Variants in GMPS observed in about 807,000 individuals in gnomAD.
GMPS encodes the protein GMP synthase [glutamine-hydrolyzing].
A neutral mutation model predicts 77.9 loss-of-function variants in GMPS; 15 were observed. That is an observed-to-expected ratio of 0.19 (90% CI 0.13 to 0.30). The LOEUF is 0.30. Ranked by LOEUF, GMPS falls within the 10% of genes least tolerant of loss-of-function variation. GMPS has a pLI of 1.00. For synonymous variants in GMPS, 224 were observed against 275.9 expected, an observed-to-expected ratio of 0.81 and a Z score of 1.86; for missense variants, 590 against 838.8, an observed-to-expected ratio of 0.70 and a Z score of 3.66.
intron 13 of GMPS, among the ~76,000 whole-genome samples, chr3:155,933,172 A>T (rs1016783183): frequency 1.1e-4 from 16 of 152,216 alleles, no homozygotes; most frequent in Non-Finnish European, 2.2e-4. Context: ...AGCCTGGGCG[A>T]CAGAGCGAGA....
intron 12 of GMPS, among the ~76,000 whole-genome samples, chr3:155,928,935 A>C (rs1414543523): frequency 6.6e-6 from 1 of 150,378 alleles, no homozygotes; most frequent in Non-Finnish European, 1.5e-5. Context: ...CCAGTCTGTC[A>C]TTGTTGGACA....
rs1250019769 is a variant in GMPS, at chr3:155,942,488, A to G, written c.*4796A>G. The G allele has an allele frequency of 1.3e-5, 3 of 224,320 alleles. No individual in the cohort carries two copies. The highest frequency in any genetic ancestry group is 2.7e-5 in the Non-Finnish European group (3 of 112,560). The allele number at this position is 224,320 out of a possible 1,614,324, so 13.9% of individuals were successfully genotyped here. A position where few individuals can be genotyped will look rare whatever the true frequency, so the allele number is the denominator to read the frequency against. On this transcript the variant is annotated 3_prime_UTR_variant, in exon 16 of 16. Coordinates refer to ENST00000496455, the MANE Select transcript of GMPS (RefSeq NM_003875.3). ...TCATAGGTGAATCTTTGTCAAACCT[A>G]TAGGAGAGAGATGCAGGCCATAGAG... is the stretch of plus-strand genomic sequence containing the variant.
chr3:155,923,160 G>A (rs146407453), intron 11 of GMPS, among the ~76,000 whole-genome samples: 27 of 152,082 alleles, frequency 1.8e-4, no homozygotes, highest in African/African-American at 5.5e-4. Flanking sequence ...ATGTATAAGA[G>A]ACTACTAAAA....
chr3:155,929,462 G>T (rs1473646445), intron 12 of GMPS, among the ~76,000 whole-genome samples: 15 of 150,594 alleles, frequency 1.0e-4, no homozygotes, highest in African/African-American at 3.7e-4. Context: ...ACAAGACAGG[G>T]ATGCCCTCTC....
rs374659420 is a variant in GMPS at position 155,941,507 on chromosome 3, T to C, written c.*3815T>C. 4.6e-5 allele frequency: 10 copies of C among 216,422 alleles called. No homozygotes were observed. The highest frequency in any genetic ancestry group is 2.2e-4 in the African/African-American group (10 of 44,456). The allele number at this position is 216,422 out of a possible 1,614,324, so 13.4% of individuals were successfully genotyped here. ...CTTACTTACAGTGAGTTTCTAGAGA[T>C]AGCCCTGTCTTTCAGAAATTCTCTG... On this transcript the variant is annotated 3_prime_UTR_variant, in exon 16 of 16. Coordinates refer to ENST00000496455, the MANE Select transcript of GMPS (RefSeq NM_003875.3).
chr3:155,928,298 G>A (rs955303603), intron 12 of GMPS, among the ~76,000 whole-genome samples: 2 of 151,892 alleles, frequency 1.3e-5, no homozygotes, highest in Non-Finnish European at 2.9e-5. Context: ...AAAGTGCTAG[G>A]ATTACAGGCA....
intron 4 of GMPS, among the ~76,000 whole-genome samples, chr3:155,905,536 CAG>C (rs1235165692): frequency 6.6e-6 from 1 of 152,138 alleles, no homozygotes; most frequent in Non-Finnish European, 1.5e-5. Flanking sequence ...TTTCAGATAA[CAG>C]AGTTGGGCAG....
chr3:155,893,899 A>C (rs1754532679), intron 2 of GMPS, among the ~76,000 whole-genome samples, 200 bp downstream of exon 2: 1 of 152,264 alleles, frequency 6.6e-6, no homozygotes, highest in Admixed American at 6.5e-5. Flanking sequence ...TTAATTGTAC[A>C]GTTAAAAGAA....
At chr3:155,910,116 C>T (rs1186023541) in intron 5 of GMPS, among the ~76,000 whole-genome samples, 4 of 150,038 alleles carry the variant, frequency 2.7e-5, no homozygotes, top group South Asian at 2.1e-4. Flanking sequence ...CGTGGTGGCA[C>T]ACACCTGTTG....
chr3:155,911,534 CTT>C, intron 7 of GMPS, among the ~76,000 whole-genome samples: 1 of 152,174 alleles, frequency 6.6e-6, no homozygotes, highest in Middle Eastern at 3.4e-3. Flanking sequence ...TAGTCATTCA[CTT>C]TTAAAATTAT....
rs777685614 is a variant in GMPS at position 155,893,617 on chromosome 3, C to G, written c.127C>G (p.Arg43Gly). The change falls in exon 2 of 16, where the codon CGA (arginine) becomes GGA (glycine). Residue 43 changes from arginine (R) to glycine (G), a missense_variant. Physicochemically the swap from Arg to Gly is moderately radical, Grantham distance 125. This residue lies in a region of GMPS where 136 missense variants were observed against 225.6 expected (regional missense o/e 0.60). Transcript: ENST00000496455. ...TGCTCAGTACGGGAAAGTCATAGAC[C>G]GAAGAGTGAGGGAACTGTTCGTGCA... The part of the protein sequence containing the change: ...AGAQYGKVID[R>G]RVRELFVQSE... 3.1e-6 allele frequency: 5 copies of G among 1,611,658 alleles called. No individual in the cohort carries two copies. The highest frequency in any genetic ancestry group is 4.2e-6 in the Non-Finnish European group (5 of 1,177,880).
intron 1 of GMPS, among the ~76,000 whole-genome samples, chr3:155,888,888 T>G (rs1754401203): frequency 6.6e-6 from 1 of 151,790 alleles, no homozygotes; most frequent in South Asian, 2.1e-4. Flanking sequence ...CCTGGCCTAA[T>G]TTTTGTATTT....
rs890336333 is a variant in GMPS at position 155,940,968 on chromosome 3, A to T, written c.*3276A>T. Reference sequence around the variant, plus strand: ...TGTTTTTTTGAAAAGCTGACAGAGAATATGCTTTGGCTTTGACACTAATGA... The same window carrying T: ...TGTTTTTTTGAAAAGCTGACAGAGATTATGCTTTGGCTTTGACACTAATGA... On this transcript the variant is annotated 3_prime_UTR_variant, in exon 16 of 16. Transcript: ENST00000496455. The T allele has an allele frequency of 9.7e-6, 2 of 206,494 alleles. No homozygotes were observed. The highest frequency in any genetic ancestry group is 4.6e-5 in the African/African-American group (2 of 43,902). 12.8% of individuals were successfully genotyped at this position (206,494 alleles called of 1,614,324 possible).
intron 1 of GMPS, among the ~76,000 whole-genome samples, chr3:155,874,899 T>TTC: frequency 6.7e-6 from 1 of 148,980 alleles, no homozygotes; most frequent in African/African-American, 2.5e-5. Context: ...AAACTTTGTT[T>TTC]TCTTTTTTTT....
chr3:155,883,085 T>G, intron 1 of GMPS, among the ~76,000 whole-genome samples: 1 of 152,222 alleles, frequency 6.6e-6, no homozygotes, highest in African/African-American at 2.4e-5. Context: ...TTTCTTTTTC[T>G]GTTTGAGACA....
chr3:155,924,740 G>A (rs1453879190), intron 11 of GMPS, among the ~76,000 whole-genome samples: 1 of 152,004 alleles, frequency 6.6e-6, no homozygotes, highest in Admixed American at 6.6e-5. Flanking sequence ...TCCTAGTTAA[G>A]ACATAGACAG....
chr3:155,910,568 C>CAA (rs772197752), intron 5 of GMPS, 124 bp from the exon 6 acceptor site: 2,921 of 262,616 alleles, frequency 0.011, no homozygotes, highest in Middle Eastern at 0.017. Flanking sequence ...GACTCTGTCT[C>CAA]AAAAAAAAAA....
intron 9 of GMPS, among the ~76,000 whole-genome samples, chr3:155,917,426 C>T (rs1439094416): frequency 1.3e-5 from 2 of 152,196 alleles, no homozygotes; most frequent in Non-Finnish European, 2.9e-5. Flanking sequence ...CCTCTGGTAA[C>T]CACCATTCTG....
intron 1 of GMPS, among the ~76,000 whole-genome samples, chr3:155,884,604 A>G (rs1754287201): frequency 6.6e-6 from 1 of 152,176 alleles, no homozygotes; most frequent in African/African-American, 2.4e-5. Context: ...AAAAAATCAG[A>G]TTAGAAATTG....
Sources: allele counts gnomAD v4.1 joint callset (sites outside exome capture counted in the v4.1 genomes callset), GRCh38; gene constraint gnomAD v4.1.1; regional missense constraint gnomAD v4.1.1; transcripts MANE v1.5; gene names NCBI Gene and HGNC (gene_info 2026-07-23, HGNC 2026-07-21).